NRG2: variants seen among roughly 807,000 people sequenced by gnomAD.
NRG2 encodes neuregulin 2.
In NRG2, 27 loss-of-function variants were observed where a neutral mutation model predicts 73.9. The observed-to-expected ratio is 0.37, with a 90% CI of 0.27 to 0.50. The LOEUF is 0.50. Ranked by LOEUF, NRG2 falls within the 20% of genes least tolerant of loss-of-function variation. NRG2 has a pLI of 0.96. For synonymous variants in NRG2, 532 were observed against 541.0 expected (o/e 0.98, Z 0.23); for missense variants, 1,126 against 1,210.1 (o/e 0.93, Z 1.03).
Position 139,848,309 on chromosome 5 carries a change from G to GCGCGCACTCCTGCGTGGT in NRG2, c.2143_2160dup (p.Thr715_Ala720dup). The GCGCGCACTCCTGCGTGGT allele has an allele frequency of 8.5e-7, 1 of 1,178,104 alleles. No individual in the cohort carries two copies. Among genetic ancestry groups the GCGCGCACTCCTGCGTGGT allele is most frequent in the South Asian group, 4.2e-5 (1 of 23,932 alleles). 73.0% of individuals were successfully genotyped at this position (1,178,104 alleles called of 1,614,324 possible). On this transcript the variant is annotated inframe_insertion, in exon 10 of 10. Coordinates refer to ENST00000361474, the MANE Select transcript of NRG2 (RefSeq NM_004883.3). ...GCGCGCGGCCGCGGCGGCGGCGGGG[G>GCGCGCACTCCTGCGTGGT]CGCGCACTCCTGCGTGGTCTCGTAC... is the stretch of plus-strand genomic sequence containing the variant.
intron 1 of NRG2, among the ~76,000 whole-genome samples, chr5:140,036,132 G>A (rs975119078): frequency 1.3e-5 from 2 of 152,212 alleles, no homozygotes; most frequent in African/African-American, 4.8e-5. Flanking sequence ...TCCCTGGAGA[G>A]GCCATTTGGA....
At position 140,043,210 on chromosome 5, in the gene NRG2, A is replaced by T; in HGVS notation, c.-141T>A. 1 of 936,534 alleles carries T rather than the reference A, an allele frequency of 1.1e-6. No individual in the cohort carries two copies. Among genetic ancestry groups the T allele is most frequent in the Non-Finnish European group, 1.5e-6 (1 of 657,874 alleles). The allele number at this position is 936,534 out of a possible 1,614,324, so 58.0% of individuals were successfully genotyped here. A position where few individuals can be genotyped will look rare whatever the true frequency, so the allele number is the denominator to read the frequency against. On this transcript the variant is annotated 5_prime_UTR_variant, in exon 1 of 10. Transcript: ENST00000361474. This position sits in a 1 kb window ranked among gnomAD's most constrained non-coding sequence, Gnocchi z 6.7. The stretch of plus-strand genomic sequence containing the variant: ...GGCAGCCCGGGGAGGTGGCCCAGCT[A>T]GGGCAGGGGGCAGGCGGCAAGCGGG...
chr5:140,032,544 G>GA (rs1217278528), intron 1 of NRG2, among the ~76,000 whole-genome samples: 3 of 152,074 alleles, frequency 2.0e-5, no homozygotes, highest in Non-Finnish European at 4.4e-5. Flanking sequence ...ATGTGTCTAG[G>GA]AAAAAAGTGG....
intron 6 of NRG2, among the ~76,000 whole-genome samples, chr5:139,854,614 G>A (rs1161433680): frequency 6.6e-6 from 1 of 152,160 alleles, no homozygotes; most frequent in Admixed American, 6.5e-5. Context: ...CAGACTTTCT[G>A]GTCCTGGATT....
intron 1 of NRG2, among the ~76,000 whole-genome samples, chr5:139,957,128 CCTT>C (rs1037208107): frequency 2.5e-4 from 38 of 152,284 alleles, no homozygotes; most frequent in Admixed American, 2.2e-3. Context: ...CTCTCAAGAT[CCTT>C]CTGCCCATGC....
At chr5:140,019,509 T>C (rs1369852678) in intron 1 of NRG2, 1 of 152,280 alleles carries the variant, frequency 6.6e-6, no homozygotes, top group Non-Finnish European at 1.5e-5. Flanking sequence ...CCGAGTGCAG[T>C]GGTGTTTACA....
intron 4 of NRG2, among the ~76,000 whole-genome samples, chr5:139,867,808 G>GTA (rs1762580648): frequency 7.3e-6 from 1 of 137,340 alleles, no homozygotes; most frequent in East Asian, 2.0e-4. Flanking sequence ...ATGAGTGTGT[G>GTA]TGTGTGTGTG....
Position 139,894,152 on chromosome 5 carries a change from G to A in NRG2, c.701-6641C>T, listed in dbSNP as rs148258460. 3.0e-4 allele frequency among the ~76,000 whole-genome samples: 45 copies of A among 152,306 alleles called. No individual in the cohort carries two copies. The highest frequency in any genetic ancestry group is 9.4e-4 in the African/African-American group (39 of 41,582). On this transcript the variant is annotated intron_variant, in intron 1 of 9. Transcript: ENST00000361474. This position sits in a 1 kb window ranked among gnomAD's most constrained non-coding sequence, Gnocchi z 5.0. ...ACTCAGATCTGAGAGCAAGACAGAC[G>A]CTCAGGACATGGCTGGGCAACCCAG... is the stretch of plus-strand genomic sequence containing the variant.
chr5:140,002,763 G>C (rs186466608), intron 1 of NRG2, among the ~76,000 whole-genome samples: 1 of 152,160 alleles, frequency 6.6e-6, no homozygotes, highest in Non-Finnish European at 1.5e-5. Context: ...AGAATAGACC[G>C]AAGAGGGGCA....
Position 139,887,979 on chromosome 5 carries a change from A to ACGGATGCAAAGCTG in NRG2, c.701-482_701-469dup, listed in dbSNP as rs1372792224. On this transcript the variant is annotated intron_variant, in intron 1 of 9. Transcript: ENST00000361474. This position sits in a 1 kb window ranked among gnomAD's most constrained non-coding sequence, Gnocchi z 4.5. ...TGTACTGGTGGGCTCAGGCCCAATC[A>ACGGATGCAAAGCTG]CGGATGCAAAGCTGCAAATGCCAAG... 6.6e-6 allele frequency among the ~76,000 whole-genome samples: 1 copy of ACGGATGCAAAGCTG among 152,166 alleles called. No individual in the cohort carries two copies. Among genetic ancestry groups the ACGGATGCAAAGCTG allele is most frequent in the Non-Finnish European group, 1.5e-5 (1 of 68,028 alleles).
At chr5:139,961,118 G>C (rs141844529) in intron 1 of NRG2, among the ~76,000 whole-genome samples, 2 of 152,210 alleles carry the variant, frequency 1.3e-5, no homozygotes, top group Admixed American at 1.3e-4. Flanking sequence ...ACGCTTGTAC[G>C]CTGCCGCCCA....
At chr5:139,896,692 T>C (rs1764563217) in intron 1 of NRG2, among the ~76,000 whole-genome samples, 1 of 152,218 alleles carries the variant, frequency 6.6e-6, no homozygotes, top group African/African-American at 2.4e-5. Flanking sequence ...TGTGTCTCTC[T>C]TGACTTTCCC....
At chr5:139,974,521 A>G (rs1487033701) in intron 1 of NRG2, among the ~76,000 whole-genome samples, 1 of 152,210 alleles carries the variant, frequency 6.6e-6, no homozygotes, top group Non-Finnish European at 1.5e-5. Flanking sequence ...CACCTAGACC[A>G]TCGAACAGCA....
intron 1 of NRG2, among the ~76,000 whole-genome samples, chr5:140,039,044 T>C (rs188082561): frequency 2.6e-5 from 4 of 152,328 alleles, no homozygotes; most frequent in Admixed American, 2.0e-4. Flanking sequence ...TTTAAAACTA[T>C]CCTAAAGAAT....
At chr5:139,892,552 C>A (rs1764279643) in intron 1 of NRG2, among the ~76,000 whole-genome samples, 1 of 152,086 alleles carries the variant, frequency 6.6e-6, no homozygotes, top group African/African-American at 2.4e-5. Flanking sequence ...TAGATCGGCC[C>A]CTCACCTAGA....
In NRG2 at chr5:139,865,957, G is replaced by A. The variant is rs185137533; in HGVS notation, c.1113-332C>T. On this transcript the variant is annotated intron_variant, in intron 4 of 9. Coordinates refer to ENST00000361474, the MANE Select transcript of NRG2 (RefSeq NM_004883.3). This position sits in a 1 kb window ranked among gnomAD's most constrained non-coding sequence, Gnocchi z 5.2. ...ACCTGCCTGGTGCCCCATGAAGCAA[G>A]CACTGTGGCCTCTTGGTGCCAGGCA... is the stretch of plus-strand genomic sequence containing the variant. Among the ~76,000 whole-genome samples, 158 of 152,312 alleles carry A rather than the reference G, an allele frequency of 1.0e-3. No homozygotes were observed. The highest frequency in any genetic ancestry group is 1.7e-3 in the Non-Finnish European group (117 of 68,026).
At chr5:139,878,159 T>C (rs1561648339) in intron 3 of NRG2, among the ~76,000 whole-genome samples, 1 of 152,354 alleles carries the variant, frequency 6.6e-6, no homozygotes, top group East Asian at 1.9e-4. Flanking sequence ...GCTCCCACTT[T>C]CTCTGCTAAC....
At chr5:140,011,267 G>A (rs913244101) in intron 1 of NRG2, among the ~76,000 whole-genome samples, 1 of 152,164 alleles carries the variant, frequency 6.6e-6, no homozygotes, top group African/African-American at 2.4e-5. Context: ...TTAAAACTCT[G>A]TGTCAACTTT....
Position 140,040,749 on chromosome 5 carries a change from A to T in NRG2, c.700+1621T>A, listed in dbSNP as rs554754165. On this transcript the variant is annotated intron_variant, in intron 1 of 9. Transcript: ENST00000361474. ...ACAGCTCCCCAAGGCATCTCAGAGT[A>T]TTTTAATACTCCCCAAGTATCAAAA... 1.1e-4 allele frequency among the ~76,000 whole-genome samples: 16 copies of T among 152,350 alleles called. No individual in the cohort carries two copies. The South Asian group carries it at 3.3e-3, about 32-fold the overall frequency.
Sources: allele counts gnomAD v4.1 joint callset (sites outside exome capture counted in the v4.1 genomes callset), GRCh38; gene constraint gnomAD v4.1.1; non-coding constraint Gnocchi (gnomAD v3.1); transcripts MANE v1.5; gene names NCBI Gene and HGNC (gene_info 2026-07-23, HGNC 2026-07-21).